Variants in SEMA6A observed in about 807,000 individuals in gnomAD.
The protein encoded by SEMA6A is semaphorin-6A.
In SEMA6A, 25 loss-of-function variants were observed where a neutral mutation model predicts 96.8. That is an observed-to-expected ratio of 0.26 (90% CI 0.19 to 0.36). The LOEUF is 0.36. Among genes scored for constraint, SEMA6A ranks in the 10% least tolerant of loss-of-function variants. The pLI, the probability that SEMA6A is intolerant of heterozygous loss-of-function variation, is 1.00. For synonymous variants in SEMA6A, 612 were observed against 518.0 expected (o/e 1.18, Z -2.46); for missense variants, 1,363 against 1,323.1 (o/e 1.03, Z -0.47).
At chr5:116,554,468 GC>G (rs1244846977) in intron 1 of SEMA6A, among the ~76,000 whole-genome samples, 3 of 152,066 alleles carry the variant, frequency 2.0e-5, no homozygotes, top group African/African-American at 7.2e-5. Flanking sequence ...AAAAATATTT[GC>G]ACAAAACTAC....
chr5:116,571,853 C>T (rs1284659653), intron 1 of SEMA6A, among the ~76,000 whole-genome samples: 1 of 152,178 alleles, frequency 6.6e-6, no homozygotes, highest in East Asian at 1.9e-4. Context: ...GCAATCTTGA[C>T]CGCTGGTAGC....
intron 1 of SEMA6A, among the ~76,000 whole-genome samples, chr5:116,537,191 A>C (rs1759753755): frequency 1.3e-5 from 2 of 152,238 alleles, no homozygotes; most frequent in African/African-American, 4.8e-5. Flanking sequence ...GCATGTGTTC[A>C]TAATAAATAC....
chr5:116,500,931 T>C (rs1757847567), intron 3 of SEMA6A, among the ~76,000 whole-genome samples: 1 of 151,916 alleles, frequency 6.6e-6, no homozygotes. Flanking sequence ...GCTTTAACCC[T>C]GGTGCGGGGG....
chr5:116,475,788 C>T (rs943440983), intron 15 of SEMA6A, among the ~76,000 whole-genome samples, 185 bp from the exon 16 acceptor site: 14 of 152,136 alleles, frequency 9.2e-5, no homozygotes, highest in Non-Finnish European at 1.6e-4. Flanking sequence ...TTAGGTGACT[C>T]TCCAAAGAGA....
At chr5:116,485,710 A>G (rs781529844) in intron 10 of SEMA6A, among the ~76,000 whole-genome samples, 4 of 152,182 alleles carry the variant, frequency 2.6e-5, no homozygotes, top group African/African-American at 9.7e-5. Context: ...GTTTTTGTAA[A>G]AAGTTTTATA....
At chr5:116,564,202 C>T (rs1760934157) in intron 1 of SEMA6A, among the ~76,000 whole-genome samples, 1 of 152,276 alleles carries the variant, frequency 6.6e-6, no homozygotes, top group Admixed American at 6.5e-5. Context: ...CAGGCTGGAT[C>T]TGGAGAAATT....
intron 10 of SEMA6A, among the ~76,000 whole-genome samples, chr5:116,485,928 C>T (rs1268170992): frequency 6.6e-6 from 1 of 152,206 alleles, no homozygotes; most frequent in African/African-American, 2.4e-5. Flanking sequence ...TGCTTATCTT[C>T]CTTCTGTTCT....
intron 1 of SEMA6A, among the ~76,000 whole-genome samples, chr5:116,531,625 T>A (rs537040093): frequency 1.3e-5 from 2 of 152,336 alleles, no homozygotes; most frequent in Non-Finnish European, 2.9e-5. Flanking sequence ...TCTTGTTGAA[T>A]TATTTCAGTA....
chr5:116,554,562 T>C (rs1296052790), intron 1 of SEMA6A, among the ~76,000 whole-genome samples: 2 of 152,254 alleles, frequency 1.3e-5, no homozygotes, highest in Non-Finnish European at 2.9e-5. Flanking sequence ...AAAGTATTTG[T>C]TCAAAAACTA....
At chr5:116,540,576 T>C (rs1481914605) in intron 1 of SEMA6A, among the ~76,000 whole-genome samples, 1 of 152,206 alleles carries the variant, frequency 6.6e-6, no homozygotes, top group Non-Finnish European at 1.5e-5. Flanking sequence ...CTTTCATCTC[T>C]ACTAGAAACA....
intron 9 of SEMA6A, 75 bp downstream of exon 9, chr5:116,488,018 CATTTCAAGATCATTT>C (rs1757141574): frequency 1.2e-6 from 1 of 810,548 alleles, no homozygotes; most frequent in South Asian, 1.8e-5. Flanking sequence ...TTATGGCTCT[CATTTCAAGATCATTT>C]ATAACAACAT....
At chr5:116,492,031 T>A (rs1222637697) in intron 6 of SEMA6A, among the ~76,000 whole-genome samples, 1 of 152,136 alleles carries the variant, frequency 6.6e-6, no homozygotes, top group Non-Finnish European at 1.5e-5. Context: ...GGAAAGATGG[T>A]CAAATCAGAC....
chr5:116,456,869 G>A (rs935791570), intron 18 of SEMA6A, among the ~76,000 whole-genome samples: 1 of 152,176 alleles, frequency 6.6e-6, no homozygotes, highest in African/African-American at 2.4e-5. Flanking sequence ...ATTAAGCAAC[G>A]TTTGAGAATG....
At chr5:116,459,445 T>C (rs1755233099) in intron 18 of SEMA6A, among the ~76,000 whole-genome samples, 1 of 152,198 alleles carries the variant, frequency 6.6e-6, no homozygotes, top group Admixed American at 6.5e-5. Context: ...CCACTTCCTG[T>C]TGCTAAAGCC....
At chr5:116,572,544 C>G (rs1370199278) in intron 1 of SEMA6A, among the ~76,000 whole-genome samples, 1 of 152,190 alleles carries the variant, frequency 6.6e-6, no homozygotes, top group African/African-American at 2.4e-5. Flanking sequence ...GCTGGGAAAT[C>G]GTGCGCAGGG....
chr5:116,487,260 T>G (rs1405383954), intron 9 of SEMA6A: 1 of 298,710 alleles, frequency 3.3e-6, no homozygotes, highest in African/African-American at 2.2e-5. Flanking sequence ...GCTTTTTATT[T>G]CCTCAAACAA....
At position 116,502,288 on chromosome 5, in the gene SEMA6A, C is replaced by A; in HGVS notation, c.140G>T (p.Gly47Val). 6.2e-7 allele frequency: 1 copy of A among 1,613,930 alleles called. No homozygotes were observed. The highest frequency in any genetic ancestry group is 8.5e-7 in the Non-Finnish European group (1 of 1,179,860). Residue 47 changes from glycine (G) to valine (V), a missense_variant, in exon 3 of 19, where the codon GGA becomes GTA. Coordinates refer to ENST00000343348, the MANE Select transcript of SEMA6A (RefSeq NM_020796.5). ...CCTGTGCCTCTGTGTGGTGTTCCGT[C>A]CTGGCTTGTGGCCCACAAACACCGG... ...QYPVFVGHKP[G>V]RNTTQRHRLD...
At chr5:116,535,650 C>T (rs1401695584) in intron 1 of SEMA6A, among the ~76,000 whole-genome samples, 6 of 152,156 alleles carry the variant, frequency 3.9e-5, no homozygotes, top group Non-Finnish European at 8.8e-5. Context: ...GAAAAACAGG[C>T]TAAGACTGAG....
At chr5:116,528,346 C>T (rs7736072) in intron 1 of SEMA6A, among the ~76,000 whole-genome samples, 11,932 of 152,166 alleles carry the variant, frequency 0.078, 1,380 homozygotes, top group African/African-American at 0.25. Context: ...TACAATCCCA[C>T]AGACCCCAGT....
Sources: allele counts gnomAD v4.1 joint callset (sites outside exome capture counted in the v4.1 genomes callset), GRCh38; gene constraint gnomAD v4.1.1; transcripts MANE v1.5; gene names NCBI Gene and HGNC (gene_info 2026-07-23, HGNC 2026-07-21).